NAALADL2: variants seen among roughly 807,000 people sequenced by gnomAD.
NAALADL2 encodes the protein N-acetylated alpha-linked acidic dipeptidase like 2, also known as inactive N-acetylated-alpha-linked acidic dipeptidase-like protein 2.
Under a neutral mutation model 87.2 loss-of-function variants are expected in NAALADL2, and 76 were observed. The ratio of observed to expected loss-of-function variants is 0.87; its 90% CI spans 0.72 to 1.05. NAALADL2 has a LOEUF of 1.05. NAALADL2 is among the 50% of genes least tolerant of loss of function. The probability of loss-of-function intolerance (pLI) is 0.00; values close to 1 mark genes in which losing one functional copy is unlikely to be tolerated. For synonymous variants in NAALADL2, 354 were observed against 331.0 expected, an observed-to-expected ratio of 1.07 and a Z score of -0.75; for missense variants, 1,089 against 945.8, an observed-to-expected ratio of 1.15 and a Z score of -1.99.
chr3:175,620,258 C>A (rs1477940766), intron 10 of NAALADL2, among the ~76,000 whole-genome samples: 1 of 152,170 alleles, frequency 6.6e-6, no homozygotes, highest in Non-Finnish European at 1.5e-5. Flanking sequence ...TTCGCCCACT[C>A]GACCTGGCAG....
chr3:175,327,883 T>C (rs1321536554), intron 5 of NAALADL2, among the ~76,000 whole-genome samples: 2 of 152,170 alleles, frequency 1.3e-5, no homozygotes, highest in Admixed American at 6.5e-5. Flanking sequence ...AGAATAGATA[T>C]TTATAACAAA....
At chr3:174,534,733 C>G (rs1258325883) in intron 1 of NAALADL2, among the ~76,000 whole-genome samples, 1 of 152,052 alleles carries the variant, frequency 6.6e-6, no homozygotes, top group Non-Finnish European at 1.5e-5. Context: ...TAATCAGGAT[C>G]GTCTTAAACC....
rs386356511 is a variant in NAALADL2 at position 175,243,345 on chromosome 3, C to CACACAT, written c.819+9141_819+9142insACACAT. Among the ~76,000 whole-genome samples the CACACAT allele has an allele frequency of 2.7e-5, 4 of 149,242 alleles. No homozygotes were observed. In the South Asian group the frequency reaches 8.6e-4, roughly 32 times the overall value. Reference sequence around the variant, plus strand: ...AAACACACACACACACACACACACACGCACGCACACACACACGCCAGCACA... The same window carrying CACACAT: ...AAACACACACACACACACACACACACACACATGCACGCACACACACACGCCAGCACA... On this transcript the variant is annotated intron_variant, in intron 3 of 13. Transcript: ENST00000454872.
intron 2 of NAALADL2, among the ~76,000 whole-genome samples, chr3:175,233,349 C>T (rs1312389372): frequency 6.6e-6 from 1 of 152,104 alleles, no homozygotes; most frequent in Non-Finnish European, 1.5e-5. Context: ...ATAGAAGGAT[C>T]AGAACTAATA....
intron 4 of NAALADL2, among the ~76,000 whole-genome samples, chr3:175,258,311 C>CTG (rs1750391079): frequency 8.6e-5 from 6 of 69,514 alleles, no homozygotes; most frequent in Admixed American, 3.2e-4. Flanking sequence ...CTCCGTCCCT[C>CTG]CGCCCCCACC....
chr3:175,011,670 C>A (rs774336836), intron 1 of NAALADL2, among the ~76,000 whole-genome samples: 2 of 152,068 alleles, frequency 1.3e-5, no homozygotes, highest in Non-Finnish European at 2.9e-5. Context: ...TCTGAGTTGG[C>A]TGGATGGTAG....
At chr3:175,513,603 C>T (rs1177380587) in intron 9 of NAALADL2, among the ~76,000 whole-genome samples, 1 of 152,250 alleles carries the variant, frequency 6.6e-6, no homozygotes, top group East Asian at 1.9e-4. Context: ...AAAAAACAAG[C>T]TTTTACATTT....
chr3:175,076,124 A>G (rs1208465286), intron 1 of NAALADL2, among the ~76,000 whole-genome samples: 5 of 152,094 alleles, frequency 3.3e-5, no homozygotes, highest in Non-Finnish European at 5.9e-5. Flanking sequence ...GCTACTTGGG[A>G]AGCTGAGGCA....
At chr3:175,320,084 C>A (rs1759654240) in intron 4 of NAALADL2, among the ~76,000 whole-genome samples, 1 of 152,106 alleles carries the variant, frequency 6.6e-6, no homozygotes, top group Admixed American at 6.6e-5. Flanking sequence ...TTGAATATGA[C>A]CTTCAGTCAT....
At chr3:174,511,429 A>G (rs1031702857) in intron 1 of NAALADL2, among the ~76,000 whole-genome samples, 3 of 152,012 alleles carry the variant, frequency 2.0e-5, no homozygotes, top group Non-Finnish European at 4.4e-5. Context: ...TTGTATTAAT[A>G]TTACTCATTG....
chr3:174,702,612 A>C (rs948488767), intron 2 of NAALADL2, among the ~76,000 whole-genome samples: 2 of 152,244 alleles, frequency 1.3e-5, no homozygotes, highest in African/African-American at 4.8e-5. Context: ...TGCCTACTAC[A>C]CAGCTAGGCT....
intron 9 of NAALADL2, among the ~76,000 whole-genome samples, chr3:175,500,625 TC>T (rs1227585604): frequency 1.3e-5 from 2 of 152,138 alleles, no homozygotes; most frequent in African/African-American, 4.8e-5. Context: ...CTAACAATTA[TC>T]CTGTGTCAGG....
At chr3:174,991,055 C>G (rs978139944) in intron 1 of NAALADL2, among the ~76,000 whole-genome samples, 3 of 152,004 alleles carry the variant, frequency 2.0e-5, no homozygotes, top group Admixed American at 1.3e-4. Context: ...TTTACACAAC[C>G]CTTCTTTTCC....
chr3:175,060,124 G>T (rs1412287703), intron 1 of NAALADL2: 2 of 211,040 alleles, frequency 9.5e-6, no homozygotes, highest in Non-Finnish European at 2.1e-5. Context: ...GCTAGTTTTG[G>T]TTTGTTAAAA....
At chr3:175,134,460 G>A (rs1312404178) in intron 2 of NAALADL2, among the ~76,000 whole-genome samples, 2 of 152,048 alleles carry the variant, frequency 1.3e-5, no homozygotes, top group Non-Finnish European at 2.9e-5. Flanking sequence ...TGACTGTTTT[G>A]TAGCTTAAAA....
intron 5 of NAALADL2, among the ~76,000 whole-genome samples, chr3:175,432,875 G>A (rs1365782103): frequency 6.6e-6 from 1 of 152,152 alleles, no homozygotes; most frequent in Non-Finnish European, 1.5e-5. Flanking sequence ...CTATTCATCA[G>A]CAACTTACTT....
intron 3 of NAALADL2, among the ~76,000 whole-genome samples, chr3:174,811,861 T>TG (rs1382367542): frequency 2.0e-5 from 3 of 152,138 alleles, no homozygotes; most frequent in Non-Finnish European, 4.4e-5. Context: ...TACTGGATCA[T>TG]GGGGGGTGGA....
intron 5 of NAALADL2, among the ~76,000 whole-genome samples, chr3:175,390,893 C>T (rs1455306190): frequency 1.3e-5 from 2 of 152,132 alleles, no homozygotes; most frequent in East Asian, 1.9e-4. Flanking sequence ...CTTCAATCTG[C>T]ACCTGTACTA....
intron 5 of NAALADL2, among the ~76,000 whole-genome samples, chr3:175,324,738 A>C (rs1258768643): frequency 6.6e-6 from 1 of 152,196 alleles, no homozygotes. Context: ...GGTACATATG[A>C]TCAAGTTAGG....
Sources: gnomAD v4.1 joint callset for allele counts (sites outside exome capture counted in the v4.1 genomes callset) on GRCh38, gnomAD v4.1.1 for gene constraint, MANE v1.5 for transcripts, NCBI Gene and HGNC (gene_info 2026-07-23, HGNC 2026-07-21) for gene names.